Variants in TRIM33 observed in about 807,000 individuals in gnomAD.
TRIM33 encodes the protein tripartite motif containing 33, also known as E3 ubiquitin-protein ligase TRIM33.
A neutral mutation model predicts 125.4 loss-of-function variants in TRIM33; 20 were observed. That is an observed-to-expected ratio of 0.16 (90% CI 0.11 to 0.23). TRIM33 has a LOEUF of 0.23. TRIM33 is among the 10% of genes least tolerant of loss of function. The pLI, the probability that TRIM33 is intolerant of heterozygous loss-of-function variation, is 1.00. For synonymous variants in TRIM33, 564 were observed against 513.9 expected (o/e 1.10, Z -1.32); for missense variants, 920 against 1,411.4 (o/e 0.65, Z 5.58).
At chr1:114,469,675 G>A (rs1478813013) in intron 1 of TRIM33, among the ~76,000 whole-genome samples, 1 of 152,190 alleles carries the variant, frequency 6.6e-6, no homozygotes, top group Non-Finnish European at 1.5e-5. Context: ...ACAGGTCACT[G>A]ATCTTTACTA....
intron 1 of TRIM33, among the ~76,000 whole-genome samples, chr1:114,490,356 C>T (rs1385481385): frequency 1.3e-5 from 2 of 151,948 alleles, no homozygotes; most frequent in Non-Finnish European, 2.9e-5. Context: ...TATGTCACAC[C>T]CACCAGGATA....
Position 114,510,710 on chromosome 1 carries a change from C to A in TRIM33, c.367G>T (p.Asp123Tyr). ...CTCTGCTGACACACGGCGCAGGTGTCCAGGAGCGAGGCTGGCGGTCCAGGA... is the reference window on the plus strand; with the variant it reads ...CTCTGCTGACACACGGCGCAGGTGTACAGGAGCGAGGCTGGCGGTCCAGGA... ...PPPGPPASLL[D>Y]TCAVCQQSLQ... is the part of the protein sequence containing the mutation. The change falls in exon 1 of 20, where the codon GAC becomes TAC. Residue 123 changes from aspartate (D) to tyrosine (Y), a missense_variant. Physicochemically the swap from Asp to Tyr is radical, Grantham distance 160. Coordinates refer to ENST00000358465, the MANE Select transcript of TRIM33 (RefSeq NM_015906.4). 1 of 1,539,828 alleles carries A rather than the reference C, an allele frequency of 6.5e-7. No homozygotes were observed. The highest frequency in any genetic ancestry group is 1.2e-5 in the South Asian group (1 of 84,086).
chr1:114,437,878 T>C (rs1197853185), intron 4 of TRIM33, among the ~76,000 whole-genome samples: 1 of 152,116 alleles, frequency 6.6e-6, no homozygotes, highest in Non-Finnish European at 1.5e-5. Flanking sequence ...TAATACAGTT[T>C]TGTAAGAAGT....
At chr1:114,497,237 CATAA>C (rs1181562253) in intron 1 of TRIM33, among the ~76,000 whole-genome samples, 1 of 152,184 alleles carries the variant, frequency 6.6e-6, no homozygotes, top group Admixed American at 6.5e-5. Context: ...AAAGACAATA[CATAA>C]ATGAATGTGC....
chr1:114,495,573 G>A (rs1449513154), intron 1 of TRIM33, among the ~76,000 whole-genome samples: 2 of 152,022 alleles, frequency 1.3e-5, no homozygotes, highest in Non-Finnish European at 2.9e-5. Context: ...TTACAGACAA[G>A]GAACAGAAGT....
chr1:114,452,727 TAAAAA>T (rs34364866), intron 4 of TRIM33, among the ~76,000 whole-genome samples: 96 of 107,682 alleles, frequency 8.9e-4, no homozygotes, highest in South Asian at 9.8e-4. Context: ...CCCCATCTCT[TAAAAA>T]AAAAAAAAAA....
chr1:114,488,596 T>G (rs2101524494), intron 1 of TRIM33, among the ~76,000 whole-genome samples: 1 of 152,066 alleles, frequency 6.6e-6, no homozygotes, highest in South Asian at 2.1e-4. Context: ...AGACCCCATC[T>G]CTACAAAAAA....
At chr1:114,429,807 A>G (rs1376706515) in intron 6 of TRIM33, among the ~76,000 whole-genome samples, 1 of 152,162 alleles carries the variant, frequency 6.6e-6, no homozygotes, top group Admixed American at 6.5e-5. Context: ...TTTCCAGAGC[A>G]TGAAATTTTC....
At chr1:114,421,351 TA>T (rs34764124) in intron 11 of TRIM33, 84 bp downstream of exon 11, 266,622 of 1,037,190 alleles carry the variant, frequency 0.26, 12,492 homozygotes, top group Middle Eastern at 0.29. Context: ...GATCCTGAAT[TA>T]AAAAAAAAAA....
intron 10 of TRIM33, 104 bp from the exon 11 acceptor site, chr1:114,421,740 G>C (rs1653300138): frequency 9.1e-7 from 1 of 1,096,706 alleles, no homozygotes; most frequent in East Asian, 2.5e-5. Flanking sequence ...AAGAAACAAA[G>C]AAGTGGGCCC....
intron 14 of TRIM33, 53 bp downstream of exon 14, chr1:114,406,888 G>T: frequency 6.4e-7 from 1 of 1,556,610 alleles, no homozygotes; most frequent in Non-Finnish European, 8.8e-7. Flanking sequence ...AGAGCTGAAA[G>T]AATCAATGAA....
chr1:114,397,499 T>G lies in TRIM33; in HGVS notation c.*149A>C, dbSNP rs774129236. The G allele has an allele frequency of 5.9e-5, 37 of 622,808 alleles. No individual in the cohort carries two copies. The highest frequency in any genetic ancestry group is 9.5e-5 in the Non-Finnish European group (34 of 356,060). 38.6% of individuals were successfully genotyped at this position (622,808 alleles called of 1,614,324 possible). On this transcript the variant is annotated 3_prime_UTR_variant, in exon 20 of 20. Coordinates refer to ENST00000358465, the MANE Select transcript of TRIM33 (RefSeq NM_015906.4). Reference sequence around the variant, plus strand: ...GTTTCTGTCCATTATTTCAATCTAATACTGTGTAAAAGCTATCAGCTTCTT... The same window carrying G: ...GTTTCTGTCCATTATTTCAATCTAAGACTGTGTAAAAGCTATCAGCTTCTT...
chr1:114,432,428 G>C (rs1648015473), intron 5 of TRIM33, among the ~76,000 whole-genome samples: 1 of 151,604 alleles, frequency 6.6e-6, no homozygotes, highest in African/African-American at 2.4e-5. Flanking sequence ...CACCAATGGA[G>C]TGTGTGTGTG....
intron 1 of TRIM33, among the ~76,000 whole-genome samples, chr1:114,474,484 G>A (rs1351325202): frequency 6.6e-6 from 1 of 150,882 alleles, no homozygotes; most frequent in Admixed American, 6.6e-5. Flanking sequence ...TGAAGCAGGA[G>A]GACTGCTTGA....
At chr1:114,498,126 CAAAAAAAAA>C (rs71090785) in intron 1 of TRIM33, among the ~76,000 whole-genome samples, 1 of 74,182 alleles carries the variant, frequency 1.3e-5, no homozygotes, top group African/African-American at 5.1e-5. Flanking sequence ...GACTCTGTCT[CAAAAAAAAA>C]AAAAAAAAAA....
At chr1:114,441,007 A>G (rs1648617995) in intron 4 of TRIM33, among the ~76,000 whole-genome samples, 1 of 152,246 alleles carries the variant, frequency 6.6e-6, no homozygotes. Flanking sequence ...AAAGACTTTT[A>G]AGACTCTTAA....
intron 1 of TRIM33, among the ~76,000 whole-genome samples, chr1:114,472,512 C>A (rs534018991): frequency 2.6e-5 from 4 of 152,170 alleles, no homozygotes; most frequent in Admixed American, 2.0e-4. Flanking sequence ...GCGGGCAGAT[C>A]GCTTCAGTCT....
chr1:114,398,828 A>C (rs1651694847), intron 18 of TRIM33, among the ~76,000 whole-genome samples: 1 of 151,558 alleles, frequency 6.6e-6, no homozygotes, highest in Admixed American at 6.6e-5. Context: ...TATCCCTAAT[A>C]AAAACAATTT....
chr1:114,425,029 C>T lies in TRIM33; in HGVS notation c.1696-274G>A, dbSNP rs189456704. On this transcript the variant is annotated intron_variant, in intron 9 of 19. Transcript: ENST00000358465. ...AAAGCGTATCAACATTAACGTATCC[C>T]ATCCTGGAGTAATAGTTTTGATTGG... Among the ~76,000 whole-genome samples, 36 of 152,144 alleles carry T rather than the reference C, an allele frequency of 2.4e-4. No homozygotes were observed. In the East Asian group the frequency reaches 4.5e-3, roughly 19 times the overall value.
Sources: allele counts gnomAD v4.1 joint callset (sites outside exome capture counted in the v4.1 genomes callset), GRCh38; gene constraint gnomAD v4.1.1; transcripts MANE v1.5; gene names NCBI Gene and HGNC (gene_info 2026-07-23, HGNC 2026-07-21).